KIAA0586: variants seen among roughly 807,000 people sequenced by gnomAD.
KIAA0586 encodes protein TALPID3.
KIAA0586 carries 144 observed loss-of-function variants against 169.8 expected under a neutral mutation model. That is an observed-to-expected ratio of 0.85 (90% CI 0.74 to 0.97). The LOEUF (loss-of-function observed/expected upper bound fraction) is 0.97. KIAA0586 is among the 50% of genes least tolerant of loss of function. KIAA0586 has a pLI of 0.00. For missense variants in KIAA0586, 1,854 were observed against 1,823.0 expected, an observed-to-expected ratio of 1.02 and a Z score of -0.31; for synonymous variants, 625 against 612.4, an observed-to-expected ratio of 1.02 and a Z score of -0.30.
At chr14:58,482,329 G>A (rs998255759) in intron 20 of KIAA0586, among the ~76,000 whole-genome samples, 184 bp from the exon 21 acceptor site, 3 of 152,094 alleles carry the variant, frequency 2.0e-5, no homozygotes, top group South Asian at 2.1e-4. Flanking sequence ...AGGAGGCTAA[G>A]GCAGGAGAAT....
At chr14:58,511,502 G>A (rs1428060070) in intron 28 of KIAA0586, among the ~76,000 whole-genome samples, 1 of 152,182 alleles carries the variant, frequency 6.6e-6, no homozygotes, top group Non-Finnish European at 1.5e-5. Flanking sequence ...TTTAGCTCCT[G>A]TGGTCACAGC....
At chr14:58,435,967 C>G (rs772490468) in intron 4 of KIAA0586, among the ~76,000 whole-genome samples, 9 of 152,144 alleles carry the variant, frequency 5.9e-5, no homozygotes, top group Non-Finnish European at 1.2e-4. Context: ...CCTTGGCCTT[C>G]TAAAGTGCTG....
At chr14:58,516,709 AAAAT>A (rs1321011854) in intron 29 of KIAA0586, among the ~76,000 whole-genome samples, 2 of 152,224 alleles carry the variant, frequency 1.3e-5, no homozygotes, top group Non-Finnish European at 2.9e-5. Flanking sequence ...TTTAAAAAGA[AAAAT>A]AAAGTTGGAA....
intron 27 of KIAA0586, among the ~76,000 whole-genome samples, chr14:58,499,863 C>G (rs934343064): frequency 1.3e-5 from 2 of 152,056 alleles, no homozygotes; most frequent in African/African-American, 4.8e-5. Flanking sequence ...CCAGCCGATG[C>G]ATTTATTGTA....
At chr14:58,464,420 AT>A (rs758589237) in intron 14 of KIAA0586, among the ~76,000 whole-genome samples, 26 of 16,822 alleles carry the variant, frequency 1.5e-3, no homozygotes, top group Non-Finnish European at 0.015. Context: ...CAGTTCCTGC[AT>A]TTAAAAAAAA....
At chr14:58,478,112 C>T (rs181798898) in intron 20 of KIAA0586, among the ~76,000 whole-genome samples, 16 of 152,256 alleles carry the variant, frequency 1.1e-4, no homozygotes, top group African/African-American at 3.4e-4. Context: ...CTCTAACTCC[C>T]GGGCTCAAGC....
At chr14:58,475,977 G>T (rs2041587914) in intron 19 of KIAA0586, among the ~76,000 whole-genome samples, 2 of 152,054 alleles carry the variant, frequency 1.3e-5, no homozygotes, top group Admixed American at 6.6e-5. Context: ...GCACACCTGT[G>T]GTCCCTGCCA....
chr14:58,448,299 A>C, intron 6 of KIAA0586, 41 bp from the exon 7 acceptor site: 2 of 1,260,032 alleles, frequency 1.6e-6, no homozygotes, highest in East Asian at 4.9e-5. Context: ...AACTCTTTCA[A>C]ATGATATTTG....
chr14:58,556,621 C>T, the KIAA0586 span, among the ~76,000 whole-genome samples: 4 of 152,146 alleles, frequency 2.6e-5, no homozygotes, highest in Non-Finnish European at 4.4e-5. Context: ...CTATCACCAT[C>T]AGTTACTTTT....
chr14:58,446,293 C>T (rs1052698075), intron 6 of KIAA0586, among the ~76,000 whole-genome samples: 3 of 151,714 alleles, frequency 2.0e-5, no homozygotes, highest in Non-Finnish European at 4.4e-5. Flanking sequence ...GTCAGGAGTT[C>T]AAGACCAGCC....
At chr14:58,475,380 A>T (rs1375566218) in intron 19 of KIAA0586, among the ~76,000 whole-genome samples, 1 of 120,512 alleles carries the variant, frequency 8.3e-6, no homozygotes, top group African/African-American at 3.1e-5. Flanking sequence ...CTATCCCCCC[A>T]CCCCCTACCC....
chr14:58,540,883 C>T (rs74414016), intron 30 of KIAA0586, among the ~76,000 whole-genome samples: 1,546 of 152,288 alleles, frequency 0.01, 15 homozygotes, highest in Middle Eastern at 0.024. Context: ...CATTTATTCT[C>T]AAACACTGGG....
intron 29 of KIAA0586, among the ~76,000 whole-genome samples, chr14:58,525,665 G>GT (rs903952041): frequency 6.6e-5 from 10 of 152,198 alleles, no homozygotes; most frequent in African/African-American, 2.2e-4. Context: ...AGCTGCAGGA[G>GT]TTTTTTTTCA....
rs1566965113 is a variant in KIAA0586, at chr14:58,543,965, C to T, written c.4496-3816C>T. 6.6e-6 allele frequency: 3 copies of T among 455,678 alleles called. No individual in the cohort carries two copies. The highest frequency in any genetic ancestry group is 3.3e-4 in the Middle Eastern group (1 of 3,072). The allele number at this position is 455,678 out of a possible 1,614,324, so 28.2% of individuals were successfully genotyped here. A position where few individuals can be genotyped will look rare whatever the true frequency, so the allele number is the denominator to read the frequency against. On this transcript the variant is annotated intron_variant, in intron 30 of 30. Transcript: ENST00000652326. The stretch of plus-strand genomic sequence containing the variant: ...TTGTCATACAGATTATTTCATCACC[C>T]AGGTATTAAGCCTAGTACCCAATAG...
At chr14:58,492,446 A>G (rs1020687451) in intron 26 of KIAA0586, among the ~76,000 whole-genome samples, 171 bp downstream of exon 26, 1 of 152,236 alleles carries the variant, frequency 6.6e-6, no homozygotes, top group Admixed American at 6.5e-5. Flanking sequence ...ACAGAAAGGA[A>G]TTTAGACCAT....
At chr14:58,474,550 C>A in intron 18 of KIAA0586, 57 bp from the exon 19 acceptor site, 1 of 1,227,868 alleles carries the variant, frequency 8.1e-7, no homozygotes, top group Non-Finnish European at 1.1e-6. Context: ...ATAGTTGGTA[C>A]TCAGTAAATG....
intron 29 of KIAA0586, among the ~76,000 whole-genome samples, chr14:58,524,087 T>C (rs1362976377): frequency 6.6e-6 from 1 of 152,180 alleles, no homozygotes; most frequent in African/African-American, 2.4e-5. Flanking sequence ...AAAGAGAAGC[T>C]TGATTATTTC....
chr14:58,452,539 T>C (rs917150265), intron 8 of KIAA0586, among the ~76,000 whole-genome samples: 2 of 152,220 alleles, frequency 1.3e-5, no homozygotes, highest in African/African-American at 4.8e-5. Context: ...GATCCACTTA[T>C]TGGTACTTTG....
intron 16 of KIAA0586, among the ~76,000 whole-genome samples, chr14:58,469,696 A>G (rs1168518028): frequency 1.3e-5 from 2 of 152,228 alleles, no homozygotes; most frequent in African/African-American, 4.8e-5. Flanking sequence ...AAAGATCTCT[A>G]TAAATTAATA....
Sources: gnomAD v4.1 joint callset for allele counts (sites outside exome capture counted in the v4.1 genomes callset) on GRCh38, gnomAD v4.1.1 for gene constraint, MANE v1.5 for transcripts, NCBI Gene and HGNC (gene_info 2026-07-23, HGNC 2026-07-21) for gene names.